Variants in EML1 observed in about 807,000 individuals in gnomAD.
EML1 encodes the protein echinoderm microtubule-associated protein-like 1.
A neutral mutation model predicts 110.4 loss-of-function variants in EML1; 27 were observed. That is an observed-to-expected ratio of 0.24 (90% confidence interval 0.18 to 0.34). The LOEUF (loss-of-function observed/expected upper bound fraction) is 0.34. Ranked by LOEUF, EML1 falls within the 10% of genes least tolerant of loss-of-function variation. The pLI, the probability that EML1 is intolerant of heterozygous loss-of-function variation, is 1.00. For missense variants in EML1, 741 were observed against 1,030.9 expected (o/e 0.72, Z 3.85); for synonymous variants, 344 against 385.8 (o/e 0.89, Z 1.27).
chr14:99,927,800 TGGGGGGGGTGGGGG>T (rs2060265071), intron 17 of EML1, among the ~76,000 whole-genome samples: 4 of 1,446 alleles, frequency 2.8e-3, no homozygotes, highest in Non-Finnish European at 4.2e-3. Flanking sequence ...GTATTGGTGG[TGGGGGGGGTGGGGG>T]GGTGGTGGTG....
Position 99,936,169 on chromosome 14 carries a change from A to G in EML1, c.2007+43A>G, listed in dbSNP as rs758360273. On this transcript the variant is annotated intron_variant, in intron 18 of 21. Transcript: ENST00000262233. This position sits in a 1 kb window ranked among gnomAD's most constrained non-coding sequence, Gnocchi z 5.5. ...ACCTGTCGCTTCTCATGCACTGCGT[A>G]TAGTTTAACTACCGTGGAACAGTGT... 4.3e-6 allele frequency: 7 copies of G among 1,612,606 alleles called. No individual in the cohort carries two copies. Among genetic ancestry groups the G allele is most frequent in the South Asian group, 3.3e-5 (3 of 91,048 alleles).
At chr14:99,892,175 G>T in intron 5 of EML1, 1 of 985,368 alleles carries the variant, frequency 1.0e-6, no homozygotes, top group Non-Finnish European at 1.2e-6. Flanking sequence ...CAAGGGAAAC[G>T]CCGGGTGACA....
chr14:99,903,493 A>G (rs2059793108), intron 9 of EML1, among the ~76,000 whole-genome samples: 1 of 152,204 alleles, frequency 6.6e-6, no homozygotes, highest in South Asian at 2.1e-4. Context: ...CCACAATTAA[A>G]GCCACAATTG....
intron 2 of EML1, among the ~76,000 whole-genome samples, chr14:99,856,959 A>G (rs1239282856): frequency 6.6e-6 from 1 of 152,208 alleles, no homozygotes. Context: ...ATGTATTTCT[A>G]AGATATAGAC....
chr14:99,882,971 C>A (rs2059413057), intron 4 of EML1, among the ~76,000 whole-genome samples: 2 of 152,192 alleles, frequency 1.3e-5, no homozygotes, highest in African/African-American at 4.8e-5. Context: ...ACCTTGAGCG[C>A]CTGTCCTTTC....
At chr14:99,868,780 C>T (rs1475565500) in intron 3 of EML1, among the ~76,000 whole-genome samples, 11 of 150,466 alleles carry the variant, frequency 7.3e-5, no homozygotes, top group African/African-American at 2.7e-4. Context: ...TGATTTTTTT[C>T]CTATTGTTTT....
intron 20 of EML1, among the ~76,000 whole-genome samples, chr14:99,938,693 G>A (rs1428774630): frequency 6.6e-6 from 1 of 152,250 alleles, no homozygotes; most frequent in Non-Finnish European, 1.5e-5. Flanking sequence ...GATGGGCACA[G>A]CTGCCAGGCT....
intron 1 of EML1, among the ~76,000 whole-genome samples, chr14:99,837,303 C>G (rs2058556818): frequency 6.6e-6 from 1 of 152,156 alleles, no homozygotes; most frequent in Admixed American, 6.5e-5. Context: ...TCCTAGGGTT[C>G]ACCTCTTTTG....
rs538508053 is a variant in EML1 at position 99,764,927 on chromosome 14, T to TGTTGGTGTTGTTGTTGTTGTC, written c.28+27071_28+27091dup. Among the ~76,000 whole-genome samples the TGTTGGTGTTGTTGTTGTTGTC allele has an allele frequency of 3.8e-4, 58 of 152,240 alleles. No individual in the cohort carries two copies. The South Asian group carries it at 7.7e-3, about 20-fold the overall frequency. ...TTACTATCTTAATCGTTTTTGTTGT[T>TGTTGGTGTTGTTGTTGTTGTC]GTTGGTGTTGTTGTTGTTGTCGTTT... On this transcript the variant is annotated intron_variant, in intron 1 of 10. Transcript: ENST00000554479.
chr14:99,922,536 G>A (rs1253223061), intron 17 of EML1, among the ~76,000 whole-genome samples: 1 of 152,036 alleles, frequency 6.6e-6, no homozygotes, highest in South Asian at 2.1e-4. Context: ...TGAAATTGAC[G>A]GATTGTATGG....
chr14:99,833,615 C>T (rs2058494965), intron 1 of EML1, among the ~76,000 whole-genome samples: 1 of 152,108 alleles, frequency 6.6e-6, no homozygotes, highest in African/African-American at 2.4e-5. Context: ...ATGAGTCTTC[C>T]AACCCACAGA....
chr14:99,864,846 AG>A (rs1359864905), intron 2 of EML1, among the ~76,000 whole-genome samples: 2 of 151,338 alleles, frequency 1.3e-5, no homozygotes, highest in African/African-American at 4.9e-5. Context: ...CCTTTCTCCA[AG>A]GAATTGCCTT....
chr14:99,911,707 T>A (rs957568097), intron 13 of EML1, 131 bp downstream of exon 13: 1 of 1,011,332 alleles, frequency 9.9e-7, no homozygotes, highest in East Asian at 2.9e-5. Flanking sequence ...GGGAGCAATG[T>A]ATTTTATTAA....
At chr14:99,862,259 G>A (rs902433666) in intron 2 of EML1, among the ~76,000 whole-genome samples, 14 of 152,158 alleles carry the variant, frequency 9.2e-5, no homozygotes, top group African/African-American at 2.4e-4. Flanking sequence ...AGCACATCCC[G>A]TCCAAGGGTG....
chr14:99,839,311 G>C (rs941702317), intron 1 of EML1, among the ~76,000 whole-genome samples: 1 of 152,200 alleles, frequency 6.6e-6, no homozygotes, highest in African/African-American at 2.4e-5. Flanking sequence ...CAGGGTGGGG[G>C]CTATTGATTT....
intron 1 of EML1, among the ~76,000 whole-genome samples, chr14:99,801,196 A>G (rs2057870500): frequency 6.6e-6 from 1 of 152,278 alleles, no homozygotes; most frequent in Non-Finnish European, 1.5e-5. Flanking sequence ...AGAAATGGTT[A>G]GGCGAATATT....
At chr14:99,794,339 C>CTTTTTTTTTTTTTT (rs113918392) in intron 1 of EML1, among the ~76,000 whole-genome samples, 1 of 141,262 alleles carries the variant, frequency 7.1e-6, no homozygotes. Flanking sequence ...GTTAACCACA[C>CTTTTTTTTTTTTTT]TTTTTTTTTT....
At chr14:99,909,564 A>G (rs569670480) in intron 11 of EML1, 85 bp downstream of exon 11, 5 of 1,549,998 alleles carry the variant, frequency 3.2e-6, no homozygotes, top group South Asian at 1.2e-5. Flanking sequence ...TCTGGTGATC[A>G]ACACAATCCC....
intron 1 of EML1, among the ~76,000 whole-genome samples, chr14:99,798,030 GT>G (rs2057806872): frequency 6.6e-6 from 1 of 152,202 alleles, no homozygotes; most frequent in East Asian, 1.9e-4. Context: ...AGACTGGAAA[GT>G]AACTACCTCT....
Sources: allele counts gnomAD v4.1 joint callset (sites outside exome capture counted in the v4.1 genomes callset), GRCh38; gene constraint gnomAD v4.1.1; non-coding constraint Gnocchi (gnomAD v3.1); transcripts MANE v1.5; gene names NCBI Gene and HGNC (gene_info 2026-07-23, HGNC 2026-07-21).